Variants in CAMKMT observed in about 807,000 individuals in gnomAD.
The protein encoded by CAMKMT is CaM KMT.
A neutral mutation model predicts 48.0 loss-of-function variants in CAMKMT; 53 were observed. The ratio of observed to expected loss-of-function variants is 1.10; its 90% CI spans 0.89 to 1.39. CAMKMT has a LOEUF of 1.39. Ranked by LOEUF, CAMKMT falls within the 40% of genes most tolerant of loss-of-function variation. CAMKMT has a pLI of 0.00. For missense variants in CAMKMT, 428 were observed against 402.7 expected, an observed-to-expected ratio of 1.06 and a Z score of -0.54; for synonymous variants, 165 against 152.3, an observed-to-expected ratio of 1.08 and a Z score of -0.61.
chr2:44,768,363 T>TATATATATATATATA (rs1558844484), intron 10 of CAMKMT, among the ~76,000 whole-genome samples: 129 of 71,966 alleles, frequency 1.8e-3, no homozygotes, highest in Middle Eastern at 8.9e-3. Flanking sequence ...ATATATATAT[T>TATATATATATATATA]TTTTTTTTTT....
At chr2:44,646,146 C>A (rs1333419557) in intron 3 of CAMKMT, among the ~76,000 whole-genome samples, 1 of 151,940 alleles carries the variant, frequency 6.6e-6, no homozygotes, top group African/African-American at 2.4e-5. Context: ...AATAGTCTGC[C>A]AAAATTATGA....
rs562437810 is a variant in CAMKMT at position 44,533,010 on chromosome 2, C to T, written c.376+142705C>T. Among the ~76,000 whole-genome samples, 189 of 151,660 alleles carry T rather than the reference C, an allele frequency of 1.2e-3. 1 individual carries two copies. Among genetic ancestry groups the T allele is most frequent in the African/African-American group, 4.4e-3 (180 of 41,342 alleles). ...GTATTTTTTAGTAGAGACGGGGTTT[C>T]GTCATGTTGGCCAGGCTGGCCTCGA... On this transcript the variant is annotated intron_variant, in intron 3 of 10. Transcript: ENST00000378494.
intron 9 of CAMKMT, among the ~76,000 whole-genome samples, chr2:44,764,852 T>C (rs564610770): frequency 2.0e-5 from 3 of 152,098 alleles, no homozygotes; most frequent in Non-Finnish European, 4.4e-5. Flanking sequence ...TGTAGTGTAG[T>C]GGAGAGAGCA....
chr2:44,385,519 C>G (rs981884315), intron 2 of CAMKMT, among the ~76,000 whole-genome samples: 2 of 151,456 alleles, frequency 1.3e-5, no homozygotes, highest in Non-Finnish European at 3.0e-5. Flanking sequence ...TGTTGAAGAG[C>G]AGTGGTGAGA....
At chr2:44,382,737 C>T (rs1680380410) in intron 2 of CAMKMT, among the ~76,000 whole-genome samples, 1 of 152,152 alleles carries the variant, frequency 6.6e-6, no homozygotes, top group Admixed American at 6.5e-5. Flanking sequence ...CCTTGGCCTC[C>T]CAAAGTGCTG....
chr2:44,634,262 C>T (rs1006700027), intron 3 of CAMKMT, among the ~76,000 whole-genome samples: 1 of 151,848 alleles, frequency 6.6e-6, no homozygotes, highest in Non-Finnish European at 1.5e-5. Context: ...CCACCTCAGC[C>T]TCCCCTAATT....
At chr2:44,367,854 G>T (rs551470491) in intron 1 of CAMKMT, among the ~76,000 whole-genome samples, 4 of 152,202 alleles carry the variant, frequency 2.6e-5, no homozygotes, top group African/African-American at 9.6e-5. Context: ...ATGTAATCAG[G>T]GCATCTAGCT....
intron 3 of CAMKMT, among the ~76,000 whole-genome samples, chr2:44,460,164 T>C (rs1236514160): frequency 6.6e-6 from 1 of 152,156 alleles, no homozygotes; most frequent in Admixed American, 6.5e-5. Context: ...ATTTGCATAA[T>C]CAAAGCTTCT....
Position 44,601,396 on chromosome 2 carries a change from C to T in CAMKMT, c.377-102887C>T, listed in dbSNP as rs554373360. The stretch of plus-strand genomic sequence containing the variant: ...GCTTGAACCCTGGAGGCGGAGGTTG[C>T]GGTGAGCCAAGATTGCGCCATTGCA... On this transcript the variant is annotated intron_variant, in intron 3 of 10. Coordinates refer to ENST00000378494, the MANE Select transcript of CAMKMT (RefSeq NM_024766.5). 1.0e-3 allele frequency among the ~76,000 whole-genome samples: 153 copies of T among 152,064 alleles called. 5 individuals are homozygous for T. Among genetic ancestry groups the T allele is most frequent in the African/African-American group, 3.4e-3 (142 of 41,422 alleles).
In CAMKMT at chr2:44,532,162, A is replaced by C. The variant is rs148434198; in HGVS notation, c.376+141857A>C. On this transcript the variant is annotated intron_variant, in intron 3 of 10. Coordinates refer to ENST00000378494, the MANE Select transcript of CAMKMT (RefSeq NM_024766.5). ...TTAATCTAGTCGTTATTAAAATGCT[A>C]CTTACAATGTAGAGAGAGGCTGGCT... Among the ~76,000 whole-genome samples, 276 of 152,338 alleles carry C rather than the reference A, an allele frequency of 1.8e-3. 1 individual carries two copies. The Middle Eastern group carries it at 0.027, about 15-fold the overall frequency.
intron 3 of CAMKMT, among the ~76,000 whole-genome samples, chr2:44,644,222 T>C (rs763404432): frequency 1.3e-5 from 2 of 152,226 alleles, no homozygotes; most frequent in Non-Finnish European, 2.9e-5. Context: ...TCATCCTGTA[T>C]AATTCTTTAA....
intron 8 of CAMKMT, among the ~76,000 whole-genome samples, chr2:44,747,882 G>C (rs1032944581): frequency 2.0e-5 from 3 of 152,166 alleles, no homozygotes; most frequent in Non-Finnish European, 4.4e-5. Context: ...GTGTGTCTGT[G>C]TGTGTGTGTG....
chr2:44,523,884 T>A lies in CAMKMT; in HGVS notation c.376+133579T>A, dbSNP rs1050501501. Among the ~76,000 whole-genome samples the A allele has an allele frequency of 6.0e-5, 9 of 150,756 alleles. No homozygotes were observed. The South Asian group carries it at 1.3e-3, about 21-fold the overall frequency. On this transcript the variant is annotated intron_variant, in intron 3 of 10. Transcript: ENST00000378494. ...CCTTTGCCTCCCCGGTTCAAGTGAT[T>A]CTCCTGCCTCAGCCTCTTGAGTAGC...
chr2:44,613,898 A>G (rs1449579371), intron 3 of CAMKMT, among the ~76,000 whole-genome samples: 1 of 152,184 alleles, frequency 6.6e-6, no homozygotes. Flanking sequence ...GTTCAATTAC[A>G]TGATGTCTAA....
At chr2:44,406,228 G>A (rs2104461056) in intron 3 of CAMKMT, among the ~76,000 whole-genome samples, 1 of 152,004 alleles carries the variant, frequency 6.6e-6, no homozygotes, top group East Asian at 1.9e-4. Flanking sequence ...TTCAATTATA[G>A]CATTGCTCCA....
At chr2:44,681,463 G>A (rs893792406) in intron 3 of CAMKMT, among the ~76,000 whole-genome samples, 1 of 151,678 alleles carries the variant, frequency 6.6e-6, no homozygotes, top group African/African-American at 2.4e-5. Context: ...TATCCAGTGT[G>A]ATTCGGCAAC....
chr2:44,475,101 T>TAGTTTA (rs1291447767), intron 3 of CAMKMT, among the ~76,000 whole-genome samples: 1 of 152,206 alleles, frequency 6.6e-6, no homozygotes, highest in Admixed American at 6.5e-5. Context: ...GCATGTGGCT[T>TAGTTTA]AGTTTAATAT....
At position 44,575,302 on chromosome 2, in the gene CAMKMT, C is replaced by T. The variant is rs562786959; in HGVS notation, c.377-128981C>T. On this transcript the variant is annotated intron_variant, in intron 3 of 10. Coordinates refer to ENST00000378494, the MANE Select transcript of CAMKMT (RefSeq NM_024766.5). ...TCATGTTGGCCAGGCTGATCTTGAACTCCCGACCTCAAGTCATCCTCCCAC... is the reference window on the plus strand; with the variant it reads ...TCATGTTGGCCAGGCTGATCTTGAATTCCCGACCTCAAGTCATCCTCCCAC... Among the ~76,000 whole-genome samples, 8 of 152,110 alleles carry T rather than the reference C, an allele frequency of 5.3e-5. No individual in the cohort carries two copies. In the South Asian group the frequency reaches 1.7e-3, roughly 32 times the overall value.
At chr2:44,660,079 T>C (rs1406636490) in intron 3 of CAMKMT, among the ~76,000 whole-genome samples, 1 of 152,240 alleles carries the variant, frequency 6.6e-6, no homozygotes, top group African/African-American at 2.4e-5. Flanking sequence ...ACTCATTATG[T>C]CTTAACATAA....
Sources: allele counts gnomAD v4.1 joint callset (sites outside exome capture counted in the v4.1 genomes callset), GRCh38; gene constraint gnomAD v4.1.1; transcripts MANE v1.5; gene names NCBI Gene and HGNC (gene_info 2026-07-23, HGNC 2026-07-21).